The following ZFYVE26 variants were observed in gnomAD, a reference collection of about 807,000 sequenced individuals.
ZFYVE26 encodes zinc finger FYVE domain-containing protein 26.
Under a neutral mutation model 276.5 loss-of-function variants are expected in ZFYVE26, and 181 were observed. The ratio of observed to expected loss-of-function variants is 0.65; its 90% CI spans 0.58 to 0.74. ZFYVE26 has a LOEUF of 0.74. Among genes scored for constraint, ZFYVE26 ranks in the 30% least tolerant of loss-of-function variants. The probability of loss-of-function intolerance (pLI) is 0.00; values close to 1 mark genes in which losing one functional copy is unlikely to be tolerated. For missense variants in ZFYVE26, 2,821 were observed against 3,097.9 expected (o/e 0.91, Z 2.12); for synonymous variants, 1,129 against 1,203.1 (o/e 0.94, Z 1.27).
At position 67,783,311 on chromosome 14, in the gene ZFYVE26, T is replaced by C; in HGVS notation, c.3841A>G (p.Asn1281Asp). ...TAGGGCTTTCTTTCCAATGTAGGGTTCTCAGTTGTCCTCGGGGAGCTCGGT... is the reference window on the plus strand; with the variant it reads ...TAGGGCTTTCTTTCCAATGTAGGGTCCTCAGTTGTCCTCGGGGAGCTCGGT... Reference protein sequence around the residue: ...STPSSPRTTENPTLERKPYSS... With the variant: ...STPSSPRTTEDPTLERKPYSS... Residue 1281 changes from asparagine to aspartate, a missense_variant, in exon 21 of 42, where the codon AAC (asparagine) becomes GAC (aspartate). Physicochemically the swap from Asn to Asp is conservative, Grantham distance 23. Coordinates refer to ENST00000347230, the MANE Select transcript of ZFYVE26 (RefSeq NM_015346.4). 6.2e-7 allele frequency: 1 copy of C among 1,613,124 alleles called. No individual in the cohort carries two copies. The highest frequency in any genetic ancestry group is 8.5e-7 in the Non-Finnish European group (1 of 1,179,228).
In ZFYVE26 at chr14:67,729,394, A is replaced by C. The variant is rs535122314; in HGVS notation, n.3105T>G. On this transcript the variant is annotated non_coding_transcript_exon_variant, in exon 14 of 15. Transcript: ENST00000394455. ...CAAGTACTTCAGGTGTGTGAAGGCAATGCGGTTCTCTCCACCACCTGTGTG... is the reference window on the plus strand; with the variant it reads ...CAAGTACTTCAGGTGTGTGAAGGCACTGCGGTTCTCTCCACCACCTGTGTG... 2.5e-4 allele frequency: 394 copies of C among 1,596,558 alleles called. No individual in the cohort carries two copies. Among genetic ancestry groups the C allele is most frequent in the Non-Finnish European group, 3.0e-5 (35 of 1,179,168 alleles).
At chr14:67,768,327 C>T (rs2039113380) in intron 30 of ZFYVE26, among the ~76,000 whole-genome samples, 190 bp downstream of exon 30, 1 of 152,152 alleles carries the variant, frequency 6.6e-6, no homozygotes, top group East Asian at 1.9e-4. Flanking sequence ...GCTAATAGGC[C>T]AGTGTAATAG....
intron 10 of ZFYVE26, chr14:67,799,246 CAT>C (rs2040030045): frequency 5.0e-6 from 8 of 1,613,168 alleles, no homozygotes; most frequent in Non-Finnish European, 6.8e-6. Flanking sequence ...TCAAGGGTGA[CAT>C]GGATCAGATC....
chr14:67,788,464 T>G (rs1205595622), intron 16 of ZFYVE26, among the ~76,000 whole-genome samples: 1 of 152,144 alleles, frequency 6.6e-6, no homozygotes, highest in Non-Finnish European at 1.5e-5. Context: ...TACAACACCT[T>G]GCAACTGCTG....
chr14:67,733,452 T>G (rs1000860650), intron 13 of ZFYVE26, among the ~76,000 whole-genome samples: 2 of 152,252 alleles, frequency 1.3e-5, no homozygotes, highest in African/African-American at 4.8e-5. Flanking sequence ...CACATTGCAG[T>G]TGTTGCAGAT....
At chr14:67,766,051 G>A (rs1169146160) in intron 32 of ZFYVE26, among the ~76,000 whole-genome samples, 176 bp downstream of exon 32, 6 of 152,194 alleles carry the variant, frequency 3.9e-5, no homozygotes, top group Admixed American at 2.6e-4. Context: ...CAGGTAGGAT[G>A]GGGAAGAACA....
chr14:67,735,440 T>A, intron 13 of ZFYVE26: 1 of 613,680 alleles, frequency 1.6e-6, no homozygotes, highest in South Asian at 1.9e-5. Context: ...GTGAAAGGCC[T>A]TGGCTCTGCA....
chr14:67,794,090 C>T (rs979272262), intron 13 of ZFYVE26, 81 bp downstream of exon 13: 72 of 1,463,532 alleles, frequency 4.9e-5, no homozygotes, highest in Non-Finnish European at 6.5e-5. Context: ...CTGCTCAATC[C>T]TGGCTTTACA....
chr14:67,750,920 CACCTCT>C (rs1336452204), intron 41 of ZFYVE26, 126 bp downstream of exon 41: 9 of 1,186,892 alleles, frequency 7.6e-6, no homozygotes, highest in Middle Eastern at 1.9e-4. Flanking sequence ...GCCTCAGCTC[CACCTCT>C]GATAATACAG....
At chr14:67,762,511 C>T in intron 33 of ZFYVE26, 99 bp from the exon 34 acceptor site, 2 of 1,523,694 alleles carry the variant, frequency 1.3e-6, no homozygotes, top group Non-Finnish European at 1.8e-6. Context: ...CACCTCATTC[C>T]CACTATCTGC....
At chr14:67,746,255 A>G (rs1033359523), downstream of ZFYVE26, among the ~76,000 whole-genome samples, 3 of 151,826 alleles carry the variant, frequency 2.0e-5, no homozygotes, top group Non-Finnish European at 4.4e-5. Flanking sequence ...TACCTTTTGC[A>G]CCTTATAAAC....
chr14:67,794,675 T>C (rs1169117095), intron 12 of ZFYVE26, among the ~76,000 whole-genome samples: 1 of 152,220 alleles, frequency 6.6e-6, no homozygotes, highest in South Asian at 2.1e-4. Flanking sequence ...CTGGGTGCAG[T>C]GGCTTACACC....
intron 24 of ZFYVE26, 34 bp from the exon 25 acceptor site, chr14:67,777,769 C>T: frequency 6.2e-7 from 1 of 1,612,864 alleles, no homozygotes; most frequent in South Asian, 1.1e-5. Flanking sequence ...AAGGTGTGGC[C>T]TGCAGAAGAG....
chr14:67,778,436 T>C, intron 23 of ZFYVE26, 188 bp from the exon 24 acceptor site: 1 of 661,570 alleles, frequency 1.5e-6, no homozygotes, highest in Non-Finnish European at 2.6e-6. Flanking sequence ...AAAAAGCAGA[T>C]GACATGTGGC....
rs559587411 is a variant in ZFYVE26 at position 67,807,657 on chromosome 14, C to T, written c.627G>A (p.Ser209=). The change falls in exon 5 of 42, where the codon TCG becomes TCA. Residue 209 remains serine (S), a synonymous_variant. Coordinates refer to ENST00000347230, the MANE Select transcript of ZFYVE26 (RefSeq NM_015346.4). ...TGGCATCGACTACCCCAGGGGGCAC[C>T]GAATCAGGGCCCTGCAAAGCCCGCA... ...KALRALQGPD[S]VPPGVVDAIY... is the part of the protein sequence containing the mutation. The T allele has an allele frequency of 5.6e-6, 9 of 1,614,152 alleles. No individual in the cohort carries two copies. Among genetic ancestry groups the T allele is most frequent in the East Asian group, 2.2e-5 (1 of 44,886 alleles).
At position 67,778,251 on chromosome 14, in the gene ZFYVE26, G is replaced by A. The variant is rs373194310; in HGVS notation, c.4675-3C>T. Reference sequence around the variant, plus strand: ...CACTCTTCACACAGTTCATACTCCTGGAAGGAAACACACATGCCTTCAACC... The same window carrying A: ...CACTCTTCACACAGTTCATACTCCTAGAAGGAAACACACATGCCTTCAACC... On this transcript the variant is annotated splice_region_variant and splice_polypyrimidine_tract_variant and intron_variant, in intron 23 of 41. Transcript: ENST00000347230. 156 of 1,614,050 alleles carry A rather than the reference G, an allele frequency of 9.7e-5. 1 individual carries two copies. Among genetic ancestry groups the A allele is most frequent in the South Asian group, 4.6e-4 (42 of 91,072 alleles).
chr14:67,738,807 T>C (rs1054977011), intron 13 of ZFYVE26, among the ~76,000 whole-genome samples: 27 of 152,310 alleles, frequency 1.8e-4, no homozygotes, highest in Admixed American at 1.4e-3. Flanking sequence ...TGTCACCCAG[T>C]AGTCATTCCC....
At chr14:67,768,097 G>A (rs1035842203) in intron 30 of ZFYVE26, among the ~76,000 whole-genome samples, 2 of 152,142 alleles carry the variant, frequency 1.3e-5, no homozygotes, top group Non-Finnish European at 1.5e-5. Flanking sequence ...CCTTCAAAGG[G>A]GCGTGTTTCT....
chr14:67,782,790 A>G lies in ZFYVE26; in HGVS notation c.4362T>C (p.Ala1454=). Residue 1454 remains alanine (A), a synonymous_variant, in exon 21 of 42, where the codon GCT becomes GCC. Coordinates refer to ENST00000347230, the MANE Select transcript of ZFYVE26 (RefSeq NM_015346.4). ...SSIKDAVLSC[A]VACDKEGWQY... ...TAGCATTCTGCTCACCACATGCCAC[A>G]GCACAGCTCAGGACTGCATCCTTTA... The G allele has an allele frequency of 6.2e-7, 1 of 1,614,236 alleles. No homozygotes were observed. Among genetic ancestry groups the G allele is most frequent in the Non-Finnish European group, 8.5e-7 (1 of 1,180,044 alleles).
Sources: gnomAD v4.1 joint callset for allele counts (sites outside exome capture counted in the v4.1 genomes callset) on GRCh38, gnomAD v4.1.1 for gene constraint, MANE v1.5 for transcripts, NCBI Gene and HGNC (gene_info 2026-07-23, HGNC 2026-07-21) for gene names.